The following MTRR variants were observed in gnomAD, a reference collection of about 807,000 sequenced individuals.
The protein encoded by MTRR is methionine synthase reductase.
In MTRR, 63 loss-of-function variants were observed where a neutral mutation model predicts 79.2. That is an observed-to-expected ratio of 0.80 (90% CI 0.65 to 0.98). MTRR has a LOEUF of 0.98. Ranked by LOEUF, MTRR falls within the 50% of genes least tolerant of loss-of-function variation. The pLI is 0.00. For synonymous variants in MTRR, 355 were observed against 313.3 expected, an observed-to-expected ratio of 1.13 and a Z score of -1.41; for missense variants, 895 against 839.6, an observed-to-expected ratio of 1.07 and a Z score of -0.82.
At chr5:7,866,030 T>C (rs778553410), upstream of MTRR, 1 of 1,198,652 alleles carries the variant, frequency 8.3e-7, no homozygotes, top group South Asian at 1.5e-5. Context: ...AATTGAGGTA[T>C]GTATGAGAGA....
chr5:7,854,517 G>A (rs536536377), intron 1 of MTRR, among the ~76,000 whole-genome samples: 3 of 152,122 alleles, frequency 2.0e-5, no homozygotes, highest in South Asian at 2.1e-4. Flanking sequence ...GGCTAGGGAG[G>A]CCTCAGAATC....
chr5:7,852,760 T>C (rs1579511109), intron 1 of MTRR, among the ~76,000 whole-genome samples: 2 of 152,056 alleles, frequency 1.3e-5, no homozygotes, highest in East Asian at 3.9e-4. Flanking sequence ...TTTAAGCCCT[T>C]ATAATCTACT....
At chr5:7,884,162 T>C (rs1736031461) in intron 6 of MTRR, among the ~76,000 whole-genome samples, 3 of 152,130 alleles carry the variant, frequency 2.0e-5, no homozygotes, top group Admixed American at 2.0e-4. Context: ...AGACCCTGCC[T>C]CAATTTTTTT....
At chr5:7,898,221 G>C (rs938179929) in intron 14 of MTRR, among the ~76,000 whole-genome samples, 5 of 152,042 alleles carry the variant, frequency 3.3e-5, no homozygotes, top group African/African-American at 1.2e-4. Context: ...CGCTTTTAAT[G>C]AAGTATTTAA....
Position 7,886,624 on chromosome 5 carries a change from T to C in MTRR, c.1067T>C (p.Leu356Ser). The change falls in exon 8 of 15, where the codon TTA becomes TCA. Residue 356 changes from leucine (L) to serine (S), a missense_variant. By Grantham distance (145) the Leu-to-Ser change is moderately radical. Coordinates refer to ENST00000440940, the MANE Select transcript of MTRR (RefSeq NM_002454.3). ...GTCTTTACCTGAAAAGGAGCTACCT[T>C]ACCCCAGCATATACCTGCGGGATGT... is the stretch of plus-strand genomic sequence containing the variant. ...KADTKKKGATLPQHIPAGCSL... is the reference protein window; with the variant it reads ...KADTKKKGATSPQHIPAGCSL... 6.2e-7 allele frequency: 1 copy of C among 1,613,332 alleles called. No individual in the cohort carries two copies. The highest frequency in any genetic ancestry group is 2.2e-5 in the East Asian group (1 of 44,852).
At chr5:7,869,027 G>C (rs375444705), upstream of MTRR, 8 of 1,356,066 alleles carry the variant, frequency 5.9e-6, no homozygotes, top group South Asian at 7.0e-5. Context: ...GCGCCTGGGC[G>C]TCGTGGGCCT....
intron 1 of MTRR, among the ~76,000 whole-genome samples, chr5:7,860,082 C>A (rs1746423809): frequency 6.6e-6 from 1 of 152,096 alleles, no homozygotes; most frequent in Non-Finnish European, 1.5e-5. Flanking sequence ...TGGCTGCAGG[C>A]CAACCATTGG....
At chr5:7,858,262 A>G (rs1461851619) in intron 1 of MTRR, among the ~76,000 whole-genome samples, 4 of 152,212 alleles carry the variant, frequency 2.6e-5, no homozygotes, top group African/African-American at 9.6e-5. Context: ...GATCTGGAAC[A>G]GATCTTAGGC....
At chr5:7,876,267 T>G (rs1003108143) in intron 4 of MTRR, among the ~76,000 whole-genome samples, 1 of 152,236 alleles carries the variant, frequency 6.6e-6, no homozygotes, top group Non-Finnish European at 1.5e-5. Flanking sequence ...TTCTTCCTGA[T>G]TGTGACAAAG....
At chr5:7,874,588 CT>C (rs5865743) in intron 3 of MTRR, among the ~76,000 whole-genome samples, 22,195 of 107,782 alleles carry the variant, frequency 0.21, 2,671 homozygotes, top group African/African-American at 0.39. Context: ...GGGATTTAAG[CT>C]TTTTTTTTTT....
At position 7,891,415 on chromosome 5, in the gene MTRR, GTAC is replaced by G. The variant is rs1281354030; in HGVS notation, c.1370+7_1370+9del. 6.2e-7 allele frequency: 1 copy of G among 1,607,350 alleles called. No individual in the cohort carries two copies. The highest frequency in any genetic ancestry group is 8.5e-7 in the Non-Finnish European group (1 of 1,175,938). Reference sequence around the variant, plus strand: ...AACCCAGACCATATTCGTGTGCAAGGTACTACTATTTATTCACGTAATATATAG... The same window carrying G: ...AACCCAGACCATATTCGTGTGCAAGGTACTATTTATTCACGTAATATATAG... On this transcript the variant is annotated splice_donor_variant and splice_donor_region_variant and intron_variant, in intron 10 of 14. Coordinates refer to ENST00000440940, the MANE Select transcript of MTRR (RefSeq NM_002454.3). LOFTEE classifies it high-confidence loss of function.
chr5:7,873,815 C>T (rs1251170859), intron 3 of MTRR, among the ~76,000 whole-genome samples: 1 of 152,154 alleles, frequency 6.6e-6, no homozygotes, highest in Non-Finnish European at 1.5e-5. Flanking sequence ...GGGCCTCATC[C>T]TAAACCTACT....
chr5:7,871,937 AT>A (rs1287726817), intron 2 of MTRR, among the ~76,000 whole-genome samples: 1 of 152,126 alleles, frequency 6.6e-6, no homozygotes, highest in African/African-American at 2.4e-5. Flanking sequence ...ACTAGTCCTG[AT>A]TTGGCCCCTT....
chr5:7,861,089 A>G lies in MTRR; in HGVS notation n.392-862A>G. 6 of 1,040,422 alleles carry G rather than the reference A, an allele frequency of 5.8e-6. No individual in the cohort carries two copies. The Admixed American group carries it at 1.3e-4, about 22-fold the overall frequency. 64.4% of individuals were successfully genotyped at this position (1,040,422 alleles called of 1,614,324 possible). A position where few individuals can be genotyped will look rare whatever the true frequency, so the allele number is the denominator to read the frequency against. ...AGATTACTTTTTAAAAGTAACCTGG[A>G]AAAATAATTTTGAAATAGGATTTGC... On this transcript the variant is annotated intron_variant and non_coding_transcript_variant, in intron 1 of 3. Coordinates refer to the MTRR transcript ENST00000502509.
chr5:7,865,650 G>A (rs570652725), upstream of MTRR, among the ~76,000 whole-genome samples: 2 of 152,292 alleles, frequency 1.3e-5, no homozygotes, highest in African/African-American at 4.8e-5. Context: ...GAGAAATACT[G>A]TAACTCACAT....
chr5:7,871,577 C>T (rs1038230405), intron 2 of MTRR, among the ~76,000 whole-genome samples: 10 of 152,204 alleles, frequency 6.6e-5, no homozygotes, highest in African/African-American at 2.4e-4. Context: ...ATTTGCCAGC[C>T]GCTAAGCAGT....
chr5:7,867,544 A>G, upstream of MTRR: 1 of 1,614,278 alleles, frequency 6.2e-7, no homozygotes, highest in South Asian at 1.1e-5. Flanking sequence ...CTTGCAAAGC[A>G]GTCACTAAAC....
At position 7,892,818 on chromosome 5, in the gene MTRR, G is replaced by A; in HGVS notation, c.1462G>A (p.Val488Ile). The part of the protein sequence containing the change: ...TATTEVLRKG[V>I]CTGWLALLVA... ...CACAACAGAGGTTCTGCGGAAGGGA[G>A]TATGTACAGGCTGGCTGGCCTTGTT... The change falls in exon 11 of 15, where the codon GTA becomes ATA. Residue 488 changes from valine to isoleucine, a missense_variant. Val to Ile is a conservative substitution (Grantham distance 29). Transcript: ENST00000440940. The A allele has an allele frequency of 6.2e-7, 1 of 1,614,230 alleles. No individual in the cohort carries two copies.
intron 5 of MTRR, among the ~76,000 whole-genome samples, chr5:7,878,968 T>C (rs749119549): frequency 6.6e-6 from 1 of 152,226 alleles, no homozygotes; most frequent in African/African-American, 2.4e-5. Flanking sequence ...TTTAATTTCT[T>C]GTTTTTTTTA....
Sources: allele counts gnomAD v4.1 joint callset (sites outside exome capture counted in the v4.1 genomes callset), GRCh38; gene constraint gnomAD v4.1.1; transcripts MANE v1.5; gene names NCBI Gene and HGNC (gene_info 2026-07-23, HGNC 2026-07-21).